Variants in ESRRB observed in about 807,000 individuals in gnomAD.
The protein encoded by ESRRB is steroid hormone receptor ERR2.
ESRRB carries 16 observed loss-of-function variants against 46.0 expected under a neutral mutation model. The ratio of observed to expected loss-of-function variants is 0.35; its 90% CI spans 0.24 to 0.53. The LOEUF is 0.53. ESRRB is among the 20% of genes least tolerant of loss of function. ESRRB has a pLI of 0.93. For missense variants in ESRRB, 488 were observed against 607.4 expected (o/e 0.80, Z 2.07); for synonymous variants, 246 against 259.6 (o/e 0.95, Z 0.50).
At chr14:76,386,288 G>A (rs1434595907) in intron 1 of ESRRB, among the ~76,000 whole-genome samples, 1 of 152,034 alleles carries the variant, frequency 6.6e-6, no homozygotes, top group Non-Finnish European at 1.5e-5. Flanking sequence ...ATAAATGTGA[G>A]TATCTTTTTT....
chr14:76,376,288 T>C lies in ESRRB; in HGVS notation c.-114T>C. The C allele has an allele frequency of 3.7e-6, 3 of 807,434 alleles. No individual in the cohort carries two copies. The highest frequency in any genetic ancestry group is 4.2e-4 in the Middle Eastern group (1 of 2,406). 50.0% of individuals were successfully genotyped at this position (807,434 alleles called of 1,614,324 possible). A position where few individuals can be genotyped will look rare whatever the true frequency, so the allele number is the denominator to read the frequency against. On this transcript the variant is annotated 5_prime_UTR_variant, in exon 1 of 7. Coordinates refer to ENST00000644823, the MANE Select transcript of ESRRB (RefSeq NM_001379180.1). The surrounding 1 kb of genome is among the most constrained non-coding windows in gnomAD (Gnocchi z 4.1). ...GGCCGCCTCCTCCCACTCTGCGTTCTCGCGCTCACTGTGCCCTGCCCGGGC... is the reference window on the plus strand; with the variant it reads ...GGCCGCCTCCTCCCACTCTGCGTTCCCGCGCTCACTGTGCCCTGCCCGGGC...
At chr14:76,441,226 C>T (rs10149371) in intron 2 of ESRRB, among the ~76,000 whole-genome samples, 28,205 of 152,182 alleles carry the variant, frequency 0.19, 2,667 homozygotes, top group Middle Eastern at 0.24. Context: ...AGCTTTTTAT[C>T]AATACATTTG....
Position 76,410,386 on chromosome 14 carries a change from G to C in ESRRB, c.51-28955G>C, listed in dbSNP as rs11847754. ...ATGAGAGTGCAGGCAGTGACTGGTA[G>C]GGTATTTTTCCTCCCCTAATCCTTG... On this transcript the variant is annotated intron_variant, in intron 1 of 6. Transcript: ENST00000644823. Among the ~76,000 whole-genome samples, 772 of 152,276 alleles carry C rather than the reference G, an allele frequency of 5.1e-3. 7 individuals carry two copies. Among genetic ancestry groups the C allele is most frequent in the African/African-American group, 0.018 (742 of 41,562 alleles).
At chr14:76,335,352 G>C (rs1884113857) in intron 1 of ESRRB, among the ~76,000 whole-genome samples, 2 of 152,184 alleles carry the variant, frequency 1.3e-5, no homozygotes, top group Admixed American at 1.3e-4. Flanking sequence ...TGTCTGGCTG[G>C]CTCAGTCTGG....
chr14:76,450,233 G>A (rs935343), intron 2 of ESRRB, among the ~76,000 whole-genome samples: 8,595 of 152,150 alleles, frequency 0.056, 826 homozygotes, highest in African/African-American at 0.2. Context: ...AGGAATCCTG[G>A]GACCAGCGTT....
At chr14:76,397,476 G>C (rs1885740543) in intron 1 of ESRRB, among the ~76,000 whole-genome samples, 1 of 152,238 alleles carries the variant, frequency 6.6e-6, no homozygotes, top group African/African-American at 2.4e-5. Flanking sequence ...GTAATGTGTG[G>C]AGTTTGACCT....
chr14:76,400,322 C>A (rs1885885076), intron 1 of ESRRB, among the ~76,000 whole-genome samples: 1 of 152,130 alleles, frequency 6.6e-6, no homozygotes, highest in African/African-American at 2.4e-5. Context: ...AGAACATAAT[C>A]TGGGGAGAAA....
At position 76,404,172 on chromosome 14, in the gene ESRRB, A is replaced by G. The variant is rs186102576; in HGVS notation, c.50+27721A>G. On this transcript the variant is annotated intron_variant, in intron 1 of 6. Coordinates refer to ENST00000644823, the MANE Select transcript of ESRRB (RefSeq NM_001379180.1). The stretch of plus-strand genomic sequence containing the variant: ...GGGTGTTCCAGAAAGGAAGAGTCTC[A>G]TGTGTATGTGTGTGTGTGTGCGCGC... 6.6e-3 allele frequency among the ~76,000 whole-genome samples: 1,010 copies of G among 152,080 alleles called. 13 individuals carry two copies. Among genetic ancestry groups the G allele is most frequent in the South Asian group, 0.016 (77 of 4,812 alleles).
chr14:76,320,322 A>G (rs1883852480), intron 1 of ESRRB, among the ~76,000 whole-genome samples: 1 of 152,262 alleles, frequency 6.6e-6, no homozygotes, highest in African/African-American at 2.4e-5. Context: ...ATTAGCTTCT[A>G]TAAGCCTCTG....
rs576005312 is a variant in ESRRB, at chr14:76,329,970, G to A, written c.2+19054G>A. On this transcript the variant is annotated intron_variant, in intron 1 of 6. Coordinates refer to the ESRRB transcript ENST00000512784. ...TGTCCTTGGGGAGGTGTGGGTGGGGGAGGGAGGGAGGGGAAGAGGGAAGGG... is the reference window on the plus strand; with the variant it reads ...TGTCCTTGGGGAGGTGTGGGTGGGGAAGGGAGGGAGGGGAAGAGGGAAGGG... Among the ~76,000 whole-genome samples, 4 of 149,724 alleles carry A rather than the reference G, an allele frequency of 2.7e-5. No individual in the cohort carries two copies. The East Asian group carries it at 8.0e-4, about 30-fold the overall frequency.
chr14:76,490,720 G>C (rs985846173), intron 5 of ESRRB, among the ~76,000 whole-genome samples: 3 of 152,210 alleles, frequency 2.0e-5, no homozygotes, highest in Non-Finnish European at 4.4e-5. Context: ...TCAAATAGCA[G>C]GGAGGGGGGA....
At chr14:76,434,936 A>G (rs1887609321) in intron 1 of ESRRB, among the ~76,000 whole-genome samples, 1 of 152,026 alleles carries the variant, frequency 6.6e-6, no homozygotes, top group Admixed American at 6.6e-5. Flanking sequence ...TTCTCCCAGG[A>G]CTCAAGTGAA....
intron 3 of ESRRB, among the ~76,000 whole-genome samples, chr14:76,471,488 A>G (rs1268483895): frequency 6.6e-6 from 1 of 152,116 alleles, no homozygotes; most frequent in African/African-American, 2.4e-5. Context: ...ATCTCATACC[A>G]TTCCTTTCCT....
In ESRRB at chr14:76,491,675, A is replaced by AGGAGTTT. The variant is rs1229308767; in HGVS notation, c.1081_1087dup (p.Val363GlyfsTer45). The stretch of plus-strand genomic sequence containing the variant: ...TACAAGAAGCTCAAGGTGGAGAAGG[A>AGGAGTTT]GGAGTTTGTGACGCTCAAGGCCCTG... On this transcript the variant is annotated frameshift_variant, in exon 6 of 7. Coordinates refer to ENST00000644823, the MANE Select transcript of ESRRB (RefSeq NM_001379180.1). LOFTEE classifies it high-confidence loss of function. The AGGAGTTT allele has an allele frequency of 6.3e-7, 1 of 1,587,178 alleles. No individual in the cohort carries two copies. The highest frequency in any genetic ancestry group is 8.6e-7 in the Non-Finnish European group (1 of 1,168,732).
rs150820441 is a variant in ESRRB, at chr14:76,493,472, T to A, written c.1120+1756T>A. On this transcript the variant is annotated intron_variant, in intron 6 of 6. Transcript: ENST00000644823. Reference sequence around the variant, plus strand: ...GCCCAGCCCCAAGTGCTTTTGTGAGTATTAAAGATTGACTGACAATAAAGC... The same window carrying A: ...GCCCAGCCCCAAGTGCTTTTGTGAGAATTAAAGATTGACTGACAATAAAGC... Among the ~76,000 whole-genome samples, 113 of 152,268 alleles carry A rather than the reference T, an allele frequency of 7.4e-4. 3 individuals are homozygous for A. The East Asian group carries it at 0.015, about 21-fold the overall frequency.
At chr14:76,379,923 A>C (rs528938475) in intron 1 of ESRRB, among the ~76,000 whole-genome samples, 3 of 150,150 alleles carry the variant, frequency 2.0e-5, no homozygotes, top group Non-Finnish European at 2.9e-5. Context: ...TTTTTATTCT[A>C]TTGATTTGGA....
intron 1 of ESRRB, among the ~76,000 whole-genome samples, chr14:76,421,079 CTGTT>C (rs369230983): frequency 6.8e-4 from 104 of 152,316 alleles, no homozygotes; most frequent in African/African-American, 2.4e-3. Flanking sequence ...AGGAAATAGT[CTGTT>C]TGGCCTGCCA....
At chr14:76,369,026 G>A (rs1240788512), upstream of ESRRB, among the ~76,000 whole-genome samples, 9 of 151,752 alleles carry the variant, frequency 5.9e-5, no homozygotes, top group African/African-American at 9.7e-5. Flanking sequence ...GTGAAGTCCC[G>A]TCTCTACTAA....
rs1046583246 is a variant in ESRRB, at chr14:76,501,035, G to A, written c.*2577G>A. On this transcript the variant is annotated 3_prime_UTR_variant, in exon 7 of 7. Coordinates refer to ENST00000644823, the MANE Select transcript of ESRRB (RefSeq NM_001379180.1). Reference sequence around the variant, plus strand: ...CTGGCCAGATGAGGACCCTCTCCGGGGAAGGGAGAGGACTGACTTAGTGGA... The same window carrying A: ...CTGGCCAGATGAGGACCCTCTCCGGAGAAGGGAGAGGACTGACTTAGTGGA... The A allele has an allele frequency of 4.4e-6, 2 of 455,064 alleles. No individual in the cohort carries two copies. The highest frequency in any genetic ancestry group is 6.9e-5 in the Admixed American group (2 of 29,022). 28.2% of individuals were successfully genotyped at this position (455,064 alleles called of 1,614,324 possible). A position where few individuals can be genotyped will look rare whatever the true frequency, so the allele number is the denominator to read the frequency against.
Sources: allele counts gnomAD v4.1 joint callset (sites outside exome capture counted in the v4.1 genomes callset), GRCh38; gene constraint gnomAD v4.1.1; non-coding constraint Gnocchi (gnomAD v3.1); transcripts MANE v1.5; gene names NCBI Gene and HGNC (gene_info 2026-07-23, HGNC 2026-07-21).